SAFB2: variants seen among roughly 807,000 people sequenced by gnomAD.
SAFB2 encodes scaffold attachment factor B2.
A neutral mutation model predicts 100.6 loss-of-function variants in SAFB2; 32 were observed. The observed-to-expected ratio is 0.32, with a 90% CI of 0.24 to 0.43. The LOEUF is 0.43. SAFB2 is among the 20% of genes least tolerant of loss of function. The pLI is 1.00. For missense variants in SAFB2, 1,185 were observed against 1,163.4 expected (o/e 1.02, Z -0.27); for synonymous variants, 500 against 439.4 (o/e 1.14, Z -1.72).
In SAFB2 at chr19:5,604,660, G is replaced by A. The variant is rs1235463177; in HGVS notation, c.1482C>T (p.Asp494=). 1 of 1,614,056 alleles carries A rather than the reference G, an allele frequency of 6.2e-7. No homozygotes were observed. Among genetic ancestry groups the A allele is most frequent in the African/African-American group, 1.3e-5 (1 of 74,928 alleles). ...KNEPAGKKLS[D]RKECEVKKEK... ...CCTTCTTCACTTCGCACTCTTTTCT[G>A]TCGGAAAGCTTTTTCCCAGCAGGCT... The change falls in exon 11 of 21, where the codon GAC becomes GAT. Residue 494 remains aspartate (D), a synonymous_variant. Coordinates refer to ENST00000252542, the MANE Select transcript of SAFB2 (RefSeq NM_014649.3).
chr19:5,589,703 G>C (rs1302641074), intron 18 of SAFB2, among the ~76,000 whole-genome samples: 1 of 152,160 alleles, frequency 6.6e-6, no homozygotes, highest in Non-Finnish European at 1.5e-5. Flanking sequence ...CACCAATGCT[G>C]ACAAGGCTCA....
chr19:5,615,339 A>G (rs991759978), intron 4 of SAFB2, among the ~76,000 whole-genome samples: 2 of 152,118 alleles, frequency 1.3e-5, no homozygotes, highest in Non-Finnish European at 2.9e-5. Context: ...TGGGTGACTG[A>G]GAGAGACTCT....
intron 4 of SAFB2, 174 bp from the exon 5 acceptor site, chr19:5,613,701 C>G: frequency 1.0e-6 from 1 of 985,438 alleles, no homozygotes; most frequent in Non-Finnish European, 1.2e-6. Flanking sequence ...ACACACACTC[C>G]ACGACTCTGC....
At chr19:5,609,735 T>C (rs1421708802) in intron 9 of SAFB2, among the ~76,000 whole-genome samples, 1 of 152,204 alleles carries the variant, frequency 6.6e-6, no homozygotes, top group Non-Finnish European at 1.5e-5. Flanking sequence ...CCTGCCCTGC[T>C]CCGCACCCTA....
chr19:5,615,835 G>C (rs1047908178), intron 4 of SAFB2, among the ~76,000 whole-genome samples: 2 of 152,216 alleles, frequency 1.3e-5, no homozygotes, highest in African/African-American at 4.8e-5. Context: ...GACCGGCCTG[G>C]GTAACAGTTG....
At chr19:5,595,593 G>C (rs2052519995) in intron 13 of SAFB2, 96 bp from the exon 14 acceptor site, 1 of 1,441,158 alleles carries the variant, frequency 6.9e-7, no homozygotes, top group African/African-American at 1.4e-5. Flanking sequence ...AGATTCTCTG[G>C]CCCCACATGG....
intron 18 of SAFB2, among the ~76,000 whole-genome samples, chr19:5,589,785 C>T (rs540093608): frequency 6.6e-6 from 1 of 152,214 alleles, no homozygotes; most frequent in Non-Finnish European, 1.5e-5. Flanking sequence ...CCAGTGTCCT[C>T]AGCCCTGAGT....
At position 5,587,225 on chromosome 19, in the gene SAFB2, ACT is replaced by A; in HGVS notation, c.*16_*17del. 1 of 1,606,772 alleles carries A rather than the reference ACT, an allele frequency of 6.2e-7. No homozygotes were observed. The highest frequency in any genetic ancestry group is 8.5e-7 in the Non-Finnish European group (1 of 1,175,034). ...CAACAGTGCGTCTGCCCACCCGAAA[ACT>A]CGCAGCGAGTGGGACTTAGTAGCGG... On this transcript the variant is annotated 3_prime_UTR_variant, in exon 21 of 21. Transcript: ENST00000252542. This position sits in a 1 kb window ranked among gnomAD's most constrained non-coding sequence, Gnocchi z 4.9.
At chr19:5,602,305 G>A (rs536768191) in intron 11 of SAFB2, among the ~76,000 whole-genome samples, 6 of 151,464 alleles carry the variant, frequency 4.0e-5, no homozygotes, top group South Asian at 2.1e-4. Context: ...GTGAAACCCC[G>A]TCTCAACTAA....
At chr19:5,589,285 A>G (rs1238021032) in intron 18 of SAFB2, among the ~76,000 whole-genome samples, 1 of 152,176 alleles carries the variant, frequency 6.6e-6, no homozygotes, top group East Asian at 1.9e-4. Flanking sequence ...CTCACAGGAG[A>G]GAACACTTCA....
intron 13 of SAFB2, among the ~76,000 whole-genome samples, chr19:5,597,167 T>G (rs1047597566): frequency 2.6e-5 from 4 of 152,192 alleles, no homozygotes; most frequent in African/African-American, 7.2e-5. Context: ...TCCTGGGTTC[T>G]CAGGCCAGCT....
At chr19:5,612,358 G>A (rs1205953559) in intron 6 of SAFB2, 182 bp downstream of exon 6, 1 of 632,502 alleles carries the variant, frequency 1.6e-6, no homozygotes, top group Non-Finnish European at 2.8e-6. Flanking sequence ...CAAGAAGCCA[G>A]AATGGCTCTT....
At chr19:5,603,394 C>T (rs996001686) in intron 11 of SAFB2, among the ~76,000 whole-genome samples, 5 of 152,206 alleles carry the variant, frequency 3.3e-5, no homozygotes, top group Admixed American at 6.5e-5. Flanking sequence ...CTCTAAACTG[C>T]GTTGACAACG....
At position 5,594,171 on chromosome 19, in the gene SAFB2, C is replaced by G. The variant is rs1424943295; in HGVS notation, c.1927G>C (p.Glu643Gln). The change falls in exon 15 of 21, where the codon GAG (glutamate) becomes CAG (glutamine). Residue 643 changes from glutamate to glutamine, a missense_variant. Transcript: ENST00000252542. ...IRETERRRER[E>Q]QREREQRLEA... ...AGGCGTTGCTCCCGCTCCCGCTGCT[C>G]GCGCTCCCTGCGGGGACAGGTGAGG... 12 of 1,593,982 alleles carry G rather than the reference C, an allele frequency of 7.5e-6. No individual in the cohort carries two copies. The highest frequency in any genetic ancestry group is 6.7e-5 in the South Asian group (6 of 89,814).
At chr19:5,620,228 A>G (rs1181108817) in intron 2 of SAFB2, among the ~76,000 whole-genome samples, 1 of 152,252 alleles carries the variant, frequency 6.6e-6, no homozygotes, top group African/African-American at 2.4e-5. Flanking sequence ...CACATGTTTT[A>G]AACAGTTAAT....
intron 6 of SAFB2, 130 bp downstream of exon 6, chr19:5,612,410 C>T: frequency 1.2e-6 from 1 of 844,292 alleles, no homozygotes; most frequent in Non-Finnish European, 2.0e-6. Flanking sequence ...ATCTCTGATC[C>T]TTGTATGATC....
chr19:5,609,476 G>A (rs1305398372), intron 9 of SAFB2, among the ~76,000 whole-genome samples: 1 of 151,932 alleles, frequency 6.6e-6, no homozygotes. Context: ...GCTGATTTTT[G>A]TATTTTTAGC....
intron 1 of SAFB2, 71 bp from the exon 2 acceptor site, chr19:5,621,467 A>C: frequency 1.0e-6 from 1 of 1,000,508 alleles, no homozygotes; most frequent in Non-Finnish European, 1.6e-6. Context: ...TACAAGTAAC[A>C]ACCTCCCATG....
chr19:5,590,921 G>T (rs1156403940), intron 17 of SAFB2, among the ~76,000 whole-genome samples: 1 of 152,204 alleles, frequency 6.6e-6, no homozygotes, highest in Non-Finnish European at 1.5e-5. Flanking sequence ...CCACCAGGCT[G>T]CTGCTTTCTC....
Sources: gnomAD v4.1 joint callset for allele counts (sites outside exome capture counted in the v4.1 genomes callset) on GRCh38, gnomAD v4.1.1 for gene constraint, Gnocchi (gnomAD v3.1) non-coding constraint, MANE v1.5 for transcripts, NCBI Gene and HGNC (gene_info 2026-07-23, HGNC 2026-07-21) for gene names.